Variants in LOC122539214 observed in about 807,000 individuals in gnomAD.
chr19:52,655,265 T>C, the LOC122539214 span: 1 of 313,578 alleles, frequency 3.2e-6, no homozygotes. Context: ...GCTCATCTCC[T>C]GGGCCACCCT....
At chr19:52,659,396 G>T in the LOC122539214 span, among the ~76,000 whole-genome samples, 1 of 152,132 alleles carries the variant, frequency 6.6e-6, no homozygotes, top group South Asian at 2.1e-4. Context: ...TTCATCACGG[G>T]ACAATAGTTG....
chr19:52,682,252 G>A, the LOC122539214 span, among the ~76,000 whole-genome samples: 3 of 151,932 alleles, frequency 2.0e-5, no homozygotes, highest in East Asian at 1.9e-4. Flanking sequence ...TGTTTTCTAC[G>A]TAACCATGGA....
chr19:52,687,049 C>A, the LOC122539214 span, among the ~76,000 whole-genome samples: 1 of 151,504 alleles, frequency 6.6e-6, no homozygotes, highest in African/African-American at 2.4e-5. Flanking sequence ...AGAGTGGTGG[C>A]GCATGCCTGT....
the LOC122539214 span, among the ~76,000 whole-genome samples, chr19:52,663,789 T>C: frequency 2.0e-5 from 3 of 151,938 alleles, no homozygotes; most frequent in Non-Finnish European, 4.4e-5. Context: ...AAATGTGAGG[T>C]CAAAGAAGAA....
At chr19:52,687,614 G>GTGTATATATATATATAA in the LOC122539214 span, among the ~76,000 whole-genome samples, 2 of 11,628 alleles carry the variant, frequency 1.7e-4, no homozygotes, top group East Asian at 2.9e-3. Flanking sequence ...TATATATAAT[G>GTGTATATATATATATAA]TGTATATATA....
At chr19:52,667,437 G>A in the LOC122539214 span, among the ~76,000 whole-genome samples, 13 of 152,164 alleles carry the variant, frequency 8.5e-5, no homozygotes, top group Admixed American at 7.2e-4. Flanking sequence ...CATATAATTT[G>A]AAAGTAATTA....
the LOC122539214 span, among the ~76,000 whole-genome samples, chr19:52,666,178 AGAAAG>A: frequency 6.6e-6 from 1 of 150,834 alleles, no homozygotes; most frequent in Non-Finnish European, 1.5e-5. Context: ...AAAAAAAAAA[AGAAAG>A]AGACAGAGAG....
chr19:52,652,904 C>T, the LOC122539214 span: 2 of 1,117,376 alleles, frequency 1.8e-6, no homozygotes, highest in South Asian at 2.5e-5. Flanking sequence ...TAAGGTTTCT[C>T]TCCACTATGA....
the LOC122539214 span, chr19:52,650,495 G>T: frequency 6.6e-6 from 1 of 152,168 alleles, no homozygotes; most frequent in Non-Finnish European, 1.5e-5. Flanking sequence ...GACCTCAGGT[G>T]ATCCGCCCAC....
the LOC122539214 span, among the ~76,000 whole-genome samples, chr19:52,660,136 T>C: frequency 8.0e-6 from 1 of 125,426 alleles, no homozygotes; most frequent in African/African-American, 2.8e-5. Context: ...GTAAGAATCA[T>C]GGTGGTAAGA....
the LOC122539214 span, among the ~76,000 whole-genome samples, chr19:52,666,143 A>T: frequency 2.1e-4 from 31 of 147,302 alleles, no homozygotes; most frequent in Non-Finnish European, 4.4e-4. Flanking sequence ...CAGCCTGGGC[A>T]ACAGAGCAAG....
the LOC122539214 span, among the ~76,000 whole-genome samples, chr19:52,687,214 G>T: frequency 6.8e-6 from 1 of 147,920 alleles, no homozygotes; most frequent in African/African-American, 2.5e-5. Flanking sequence ...TGTAGGCCAG[G>T]CGCAGTGCCT....
the LOC122539214 span, chr19:52,652,652 C>A: frequency 5.7e-6 from 3 of 529,566 alleles, no homozygotes; most frequent in South Asian, 4.7e-5. Context: ...TAAGATCTCT[C>A]TTCATTATGG....
At chr19:52,688,371 A>T in the LOC122539214 span, among the ~76,000 whole-genome samples, 191 of 149,138 alleles carry the variant, frequency 1.3e-3, 1 homozygote, top group Non-Finnish European at 1.1e-3. Context: ...TAAGGATCTC[A>T]CTATGTTGTG....
the LOC122539214 span, among the ~76,000 whole-genome samples, chr19:52,683,482 A>G: frequency 4.4e-4 from 44 of 99,250 alleles, 1 homozygote; most frequent in East Asian, 9.0e-3. Flanking sequence ...CATGCCCCTC[A>G]GGTCCCTGAC....
At chr19:52,653,145 G>A in the LOC122539214 span, 1 of 1,471,956 alleles carries the variant, frequency 6.8e-7, no homozygotes. Flanking sequence ...CATGACAGTT[G>A]TAAGGTTTTT....
the LOC122539214 span, chr19:52,654,274 T>C: frequency 6.4e-7 from 1 of 1,556,912 alleles, no homozygotes; most frequent in South Asian, 1.1e-5. Context: ...AATATCTTTC[T>C]TGATTTCTGG....
the LOC122539214 span, chr19:52,674,260 A>G: frequency 6.6e-5 from 10 of 152,358 alleles, no homozygotes; most frequent in Non-Finnish European, 1.5e-4. Flanking sequence ...AACCCTAAAC[A>G]AAATAAAGAA....
At chr19:52,683,545 C>T in the LOC122539214 span, among the ~76,000 whole-genome samples, 1 of 123,572 alleles carries the variant, frequency 8.1e-6, no homozygotes, top group African/African-American at 3.3e-5. Context: ...AAGTCCCTGC[C>T]CATAATGGCC....
Sources: allele counts gnomAD v4.1 joint callset (sites outside exome capture counted in the v4.1 genomes callset), GRCh38; gene constraint gnomAD v4.1.1; transcripts MANE v1.5.